TTC7B: variants seen among roughly 807,000 people sequenced by gnomAD.
TTC7B encodes tetratricopeptide repeat domain 7B, also known as tetratricopeptide repeat protein 7B.
In TTC7B, 28 loss-of-function variants were observed where a neutral mutation model predicts 106.8. The ratio of observed to expected loss-of-function variants is 0.26; its 90% CI spans 0.19 to 0.36. TTC7B has a LOEUF of 0.36. Ranked by LOEUF, TTC7B falls within the 10% of genes least tolerant of loss-of-function variation. The pLI is 1.00. For synonymous variants in TTC7B, 405 were observed against 430.6 expected, an observed-to-expected ratio of 0.94 and a Z score of 0.74; for missense variants, 862 against 1,076.4, an observed-to-expected ratio of 0.80 and a Z score of 2.79.
chr14:90,698,498 C>T (rs930731016), intron 5 of TTC7B: 7 of 152,196 alleles, frequency 4.6e-5, no homozygotes, highest in South Asian at 2.1e-4. Flanking sequence ...AAATCCCTGA[C>T]ATTAGGTCAT....
chr14:90,628,654 A>C (rs112489822), intron 15 of TTC7B, among the ~76,000 whole-genome samples: 3,826 of 152,308 alleles, frequency 0.025, 159 homozygotes, highest in African/African-American at 0.086. Flanking sequence ...CTGGCAGGGC[A>C]CTGGGAAGCT....
At chr14:90,749,969 C>A (rs1315869304) in intron 3 of TTC7B, among the ~76,000 whole-genome samples, 1 of 152,202 alleles carries the variant, frequency 6.6e-6, no homozygotes, top group Admixed American at 6.5e-5. Context: ...TATTCATTTT[C>A]TTTCCAGTTA....
intron 1 of TTC7B, among the ~76,000 whole-genome samples, chr14:90,791,979 A>G (rs1891601839): frequency 6.6e-6 from 1 of 152,160 alleles, no homozygotes; most frequent in African/African-American, 2.4e-5. Flanking sequence ...GAGAACTCCT[A>G]TCTGGAAACA....
At chr14:90,767,612 T>C (rs768944090) in intron 3 of TTC7B, among the ~76,000 whole-genome samples, 6 of 152,232 alleles carry the variant, frequency 3.9e-5, no homozygotes, top group Non-Finnish European at 8.8e-5. Flanking sequence ...AACCTTCATA[T>C]TGGCCTTCCT....
chr14:90,607,535 T>C (rs1332275973), intron 17 of TTC7B, among the ~76,000 whole-genome samples: 1 of 152,234 alleles, frequency 6.6e-6, no homozygotes, highest in Non-Finnish European at 1.5e-5. Context: ...TCGGATAAGT[T>C]CCTTTTCTCT....
chr14:90,548,233 C>A (rs1272210347), intron 19 of TTC7B, among the ~76,000 whole-genome samples: 1 of 152,220 alleles, frequency 6.6e-6, no homozygotes, highest in Admixed American at 6.5e-5. Context: ...TCTGCAGAGC[C>A]TGCTGGGCCA....
intron 15 of TTC7B, among the ~76,000 whole-genome samples, chr14:90,621,301 A>AG (rs1399603916): frequency 6.7e-6 from 1 of 148,238 alleles, no homozygotes; most frequent in Non-Finnish European, 1.5e-5. Flanking sequence ...CGATAGGCAG[A>AG]GGCCACGCGG....
At chr14:90,639,502 G>A (rs550054247) in intron 15 of TTC7B, among the ~76,000 whole-genome samples, 24 of 152,312 alleles carry the variant, frequency 1.6e-4, no homozygotes, top group African/African-American at 5.5e-4. Context: ...TCATTAACCA[G>A]CAACCATTCT....
At chr14:90,558,885 G>T (rs997454896) in intron 19 of TTC7B, among the ~76,000 whole-genome samples, 6 of 152,336 alleles carry the variant, frequency 3.9e-5, no homozygotes, top group African/African-American at 1.4e-4. Context: ...CAGGCCCAGG[G>T]CTGGAGCAGA....
chr14:90,646,277 C>T (rs1262532213), intron 14 of TTC7B, among the ~76,000 whole-genome samples: 1 of 152,188 alleles, frequency 6.6e-6, no homozygotes, highest in Non-Finnish European at 1.5e-5. Flanking sequence ...GTGTCTTGCA[C>T]CTGGTGGGTG....
intron 15 of TTC7B, among the ~76,000 whole-genome samples, chr14:90,635,169 A>G (rs763531365): frequency 3.3e-5 from 5 of 152,222 alleles, no homozygotes; most frequent in Non-Finnish European, 7.3e-5. Flanking sequence ...ACTTTTAGAT[A>G]CAGTCTAAGA....
chr14:90,565,506 A>G (rs1890756459), intron 19 of TTC7B, among the ~76,000 whole-genome samples: 1 of 140,864 alleles, frequency 7.1e-6, no homozygotes, highest in Non-Finnish European at 1.5e-5. Flanking sequence ...GGTTCAAGGG[A>G]TTCTCCTGCC....
At chr14:90,684,424 G>A (rs1430555561) in intron 7 of TTC7B, among the ~76,000 whole-genome samples, 5 of 151,958 alleles carry the variant, frequency 3.3e-5, no homozygotes, top group Non-Finnish European at 5.9e-5. Flanking sequence ...AAAGAAACAC[G>A]TACAAGACTC....
intron 3 of TTC7B, among the ~76,000 whole-genome samples, chr14:90,751,457 T>C (rs1013206685): frequency 2.0e-5 from 3 of 152,206 alleles, no homozygotes; most frequent in Non-Finnish European, 2.9e-5. Context: ...TACAGTGGCA[T>C]AATCACAGCT....
intron 4 of TTC7B, among the ~76,000 whole-genome samples, chr14:90,743,107 T>A (rs1395804675): frequency 6.6e-6 from 1 of 152,242 alleles, no homozygotes; most frequent in African/African-American, 2.4e-5. Flanking sequence ...TATCGTAAAT[T>A]CTGAATAACA....
At chr14:90,731,038 C>T (rs560640533) in intron 4 of TTC7B, among the ~76,000 whole-genome samples, 7 of 152,274 alleles carry the variant, frequency 4.6e-5, no homozygotes, top group South Asian at 2.1e-4. Flanking sequence ...CTCCGCCTCC[C>T]GGGTTCACGC....
intron 1 of TTC7B, among the ~76,000 whole-genome samples, chr14:90,790,342 A>G (rs1178172831): frequency 6.6e-6 from 1 of 152,174 alleles, no homozygotes; most frequent in Non-Finnish European, 1.5e-5. Flanking sequence ...TATATATACC[A>G]GGATATTAAT....
At chr14:90,767,069 C>G in intron 3 of TTC7B, 1 of 724,812 alleles carries the variant, frequency 1.4e-6, no homozygotes, top group Non-Finnish European at 2.2e-6. Context: ...AAAAGAAATT[C>G]TGGGCTGGGT....
intron 19 of TTC7B, among the ~76,000 whole-genome samples, chr14:90,544,797 T>G (rs1657104721): frequency 6.6e-6 from 1 of 152,144 alleles, no homozygotes; most frequent in South Asian, 2.1e-4. Context: ...GCTTTCTTGG[T>G]GCATCAAGAT....
Sources: gnomAD v4.1 joint callset for allele counts (sites outside exome capture counted in the v4.1 genomes callset) on GRCh38, gnomAD v4.1.1 for gene constraint, MANE v1.5 for transcripts, NCBI Gene and HGNC (gene_info 2026-07-23, HGNC 2026-07-21) for gene names.